IL1R2: variants seen among roughly 807,000 people sequenced by gnomAD.
IL1R2 encodes interleukin 1 receptor type 2, also known as interleukin-1 receptor type 2.
A neutral mutation model predicts 39.5 loss-of-function variants in IL1R2; 46 were observed. That is an observed-to-expected ratio of 1.16 (90% CI 0.92 to 1.49). IL1R2 has a LOEUF of 1.49. Ranked by LOEUF, IL1R2 falls within the 40% of genes most tolerant of loss-of-function variation. The pLI is 0.00. For missense variants in IL1R2, 537 were observed against 502.0 expected (o/e 1.07, Z -0.67); for synonymous variants, 207 against 189.6 (o/e 1.09, Z -0.75).
intron 1 of IL1R2, among the ~76,000 whole-genome samples, chr2:101,993,992 C>T (rs1158521275): frequency 6.6e-6 from 1 of 152,244 alleles, no homozygotes; most frequent in African/African-American, 2.4e-5. Context: ...CAGCTCTGCC[C>T]TCCCAAGGCC....
intron 6 of IL1R2, among the ~76,000 whole-genome samples, 178 bp from the exon 7 acceptor site, chr2:102,024,355 C>T (rs1036939368): frequency 2.6e-5 from 4 of 152,112 alleles, no homozygotes; most frequent in African/African-American, 4.8e-5. Context: ...AGAGGTACTT[C>T]GTAAACAGTA....
chr2:102,015,795 G>A (rs1676958870), intron 3 of IL1R2, 76 bp from the exon 4 acceptor site: 1 of 1,168,368 alleles, frequency 8.6e-7, no homozygotes, highest in African/African-American at 1.5e-5. Context: ...TAGAGTTGGG[G>A]AAATGATGCT....
chr2:102,009,437 A>T, intron 2 of IL1R2, 125 bp from the exon 3 acceptor site: 1 of 1,053,360 alleles, frequency 9.5e-7, no homozygotes, highest in Non-Finnish European at 1.4e-6. Flanking sequence ...GGGACAAATG[A>T]CATCTTTCTC....
chr2:101,994,593 C>T (rs1191237303), intron 1 of IL1R2, among the ~76,000 whole-genome samples: 1 of 152,222 alleles, frequency 6.6e-6, no homozygotes, highest in Non-Finnish European at 1.5e-5. Context: ...CCAGGTGATG[C>T]TGACACCAGT....
At chr2:102,017,201 C>T (rs1677059076) in intron 4 of IL1R2, among the ~76,000 whole-genome samples, 1 of 151,862 alleles carries the variant, frequency 6.6e-6, no homozygotes, top group Non-Finnish European at 1.5e-5. Flanking sequence ...AGTTTGAGAC[C>T]AGCCTGGCCA....
At chr2:101,992,380 CAG>C (rs1018393503) in intron 1 of IL1R2, among the ~76,000 whole-genome samples, 68 of 131,004 alleles carry the variant, frequency 5.2e-4, no homozygotes, top group African/African-American at 1.7e-3. Flanking sequence ...GGCAGAGAGA[CAG>C]AGACAGAGAG....
At chr2:102,008,787 C>G (rs1676429504) in intron 2 of IL1R2, 145 bp downstream of exon 2, 2 of 674,590 alleles carry the variant, frequency 3.0e-6, no homozygotes, top group Admixed American at 4.6e-5. Context: ...CTTGAGAGCC[C>G]TAGGCGGGTG....
In IL1R2 at chr2:102,009,585, C is replaced by T. The variant is rs371567278; in HGVS notation, c.91C>T (p.Arg31Cys). The T allele has an allele frequency of 1.2e-5, 20 of 1,614,040 alleles. No individual in the cohort carries two copies. The highest frequency in any genetic ancestry group is 6.7e-5 in the East Asian group (3 of 44,870). ...AGGGGCTGCCAGAAGCTGCCGGTTT[C>T]GTGGGAGGCATTACAAGCGGGAGTT... ...HTGAARSCRF[R>C]GRHYKREFRL... The change falls in exon 3 of 9, where the codon CGT (arginine) becomes TGT (cysteine). Residue 31 changes from arginine (R) to cysteine (C), a missense_variant. Arg to Cys is a radical substitution (Grantham distance 180). Transcript: ENST00000332549.
chr2:102,024,906 G>T, intron 7 of IL1R2: 1 of 461,474 alleles, frequency 2.2e-6, no homozygotes, highest in East Asian at 3.8e-5. Context: ...GTTGCATTTT[G>T]TAGCTGTTTC....
chr2:102,019,170 T>C (rs1677198690), intron 4 of IL1R2, among the ~76,000 whole-genome samples: 1 of 152,196 alleles, frequency 6.6e-6, no homozygotes, highest in African/African-American at 2.4e-5. Context: ...GTTTTTCTTA[T>C]AACAGAGATT....
intron 4 of IL1R2, among the ~76,000 whole-genome samples, chr2:102,017,641 T>C (rs3218923): frequency 0.16 from 24,377 of 152,188 alleles, 2,286 homozygotes; most frequent in East Asian, 0.28. Flanking sequence ...TAGTTGTCAC[T>C]TTTTTAAATG....
intron 3 of IL1R2, among the ~76,000 whole-genome samples, chr2:102,013,542 AAAAAAAAAAAG>A (rs1307606553): frequency 2.8e-5 from 4 of 144,180 alleles, no homozygotes; most frequent in East Asian, 4.1e-4. Flanking sequence ...AAAAAAAAAA[AAAAAAAAAAAG>A]GAAAGAAAGA....
At chr2:102,012,553 G>A (rs1312695100) in intron 3 of IL1R2, among the ~76,000 whole-genome samples, 1 of 151,940 alleles carries the variant, frequency 6.6e-6, no homozygotes, top group Non-Finnish European at 1.5e-5. Context: ...GTGTGTGTGT[G>A]TGTGCATGTG....
intron 4 of IL1R2, among the ~76,000 whole-genome samples, chr2:102,018,251 T>G (rs1216243544): frequency 6.6e-6 from 1 of 152,164 alleles, no homozygotes; most frequent in Non-Finnish European, 1.5e-5. Context: ...TGCATTCTCT[T>G]TTGGTTTGGG....
At chr2:101,996,116 T>G in intron 1 of IL1R2, among the ~76,000 whole-genome samples, 1 of 150,990 alleles carries the variant, frequency 6.6e-6, no homozygotes, top group Admixed American at 6.6e-5. Context: ...ACTTCAAGGG[T>G]TCAGAGAAGT....
chr2:102,007,147 G>A (rs981963004), intron 1 of IL1R2, among the ~76,000 whole-genome samples: 6 of 152,156 alleles, frequency 3.9e-5, no homozygotes, highest in Non-Finnish European at 8.8e-5. Flanking sequence ...GCATCGTTGT[G>A]GCCGTGGTTA....
At chr2:102,001,328 T>C (rs1675847927) in intron 1 of IL1R2, among the ~76,000 whole-genome samples, 1 of 152,198 alleles carries the variant, frequency 6.6e-6, no homozygotes, top group African/African-American at 2.4e-5. Flanking sequence ...GAACCATCTG[T>C]ATCAGTTTCT....
intron 5 of IL1R2, among the ~76,000 whole-genome samples, chr2:102,021,708 A>G (rs1284021621): frequency 6.6e-6 from 1 of 152,244 alleles, no homozygotes; most frequent in African/African-American, 2.4e-5. Flanking sequence ...TCTGTGGCCG[A>G]GGCCAGGTTA....
At chr2:102,002,232 A>T (rs777671355) in intron 1 of IL1R2, among the ~76,000 whole-genome samples, 45 of 152,194 alleles carry the variant, frequency 3.0e-4, no homozygotes, top group Non-Finnish European at 5.6e-4. Flanking sequence ...AAGTTTGATG[A>T]TGTCTGCAAC....
Sources: gnomAD v4.1 joint callset for allele counts (sites outside exome capture counted in the v4.1 genomes callset) on GRCh38, gnomAD v4.1.1 for gene constraint, MANE v1.5 for transcripts, NCBI Gene and HGNC (gene_info 2026-07-23, HGNC 2026-07-21) for gene names.